AP1G1: variants seen among roughly 807,000 people sequenced by gnomAD.
AP1G1 encodes adaptor related protein complex 1 subunit gamma 1.
In AP1G1, 7 loss-of-function variants were observed where a neutral mutation model predicts 108.3. That is an observed-to-expected ratio of 0.06 (90% CI 0.04 to 0.12). The LOEUF is 0.12. Among genes scored for constraint, AP1G1 ranks in the 10% least tolerant of loss-of-function variants. The probability of loss-of-function intolerance (pLI) is 1.00; values close to 1 mark genes in which losing one functional copy is unlikely to be tolerated. For missense variants in AP1G1, 756 were observed against 1,010.7 expected (o/e 0.75, Z 3.42); for synonymous variants, 379 against 353.5 (o/e 1.07, Z -0.81).
intron 1 of AP1G1, among the ~76,000 whole-genome samples, chr16:71,790,852 T>C (rs2032373017): frequency 6.6e-6 from 1 of 152,044 alleles, no homozygotes; most frequent in South Asian, 2.1e-4. Flanking sequence ...AACCACAAAG[T>C]ATAAAAGAAA....
At chr16:71,785,109 T>C (rs1316874676) in intron 2 of AP1G1, among the ~76,000 whole-genome samples, 1 of 151,890 alleles carries the variant, frequency 6.6e-6, no homozygotes, top group Admixed American at 6.6e-5. Context: ...AAAGCTTCTA[T>C]ATACAGTATG....
intron 1 of AP1G1, among the ~76,000 whole-genome samples, chr16:71,799,075 G>A (rs1449989931): frequency 6.6e-6 from 1 of 151,954 alleles, no homozygotes; most frequent in Non-Finnish European, 1.5e-5. Flanking sequence ...AATAAGGCTA[G>A]CCCCAGTAAC....
At chr16:71,741,845 C>A (rs539685243) in intron 19 of AP1G1, among the ~76,000 whole-genome samples, 34 of 152,230 alleles carry the variant, frequency 2.2e-4, no homozygotes, top group Admixed American at 5.2e-4. Context: ...AAGATACAGG[C>A]AGCATATAGG....
chr16:71,799,335 G>A, intron 1 of AP1G1, among the ~76,000 whole-genome samples: 1 of 152,180 alleles, frequency 6.6e-6, no homozygotes, highest in Non-Finnish European at 1.5e-5. Context: ...AAGGCGGCAT[G>A]TACAAGGATA....
chr16:71,787,452 C>T (rs2032246731), intron 2 of AP1G1, among the ~76,000 whole-genome samples: 1 of 152,020 alleles, frequency 6.6e-6, no homozygotes, highest in African/African-American at 2.4e-5. Flanking sequence ...CACAGAGCCA[C>T]AGCATGGGCC....
Position 71,768,988 on chromosome 16 carries a change from A to AC in AP1G1, c.642+634_642+635insG, listed in dbSNP as rs1555554390. Among the ~76,000 whole-genome samples, 677 of 144,470 alleles carry AC rather than the reference A, an allele frequency of 4.7e-3. 8 individuals are homozygous for AC. The highest frequency in any genetic ancestry group is 0.017 in the African/African-American group (657 of 39,530). 94.8% of individuals were successfully genotyped at this position (144,470 alleles called of 152,430 possible). On this transcript the variant is annotated intron_variant, in intron 6 of 22. Coordinates refer to ENST00000299980, the MANE Select transcript of AP1G1 (RefSeq NM_001128.6). ...TTTAAAAAAAAAATACAAAAAAAAA[A>AC]AAAAAAAAAACAGGCCAGGAGCAGT...
chr16:71,756,275 C>T (rs764540447), intron 11 of AP1G1, 116 bp from the exon 12 acceptor site: 95 of 823,448 alleles, frequency 1.2e-4, no homozygotes, highest in Non-Finnish European at 1.5e-4. Flanking sequence ...CGTCCTTGCA[C>T]GATCTTGTGA....
intron 1 of AP1G1, among the ~76,000 whole-genome samples, chr16:71,801,166 G>C (rs979158076): frequency 2.6e-5 from 4 of 152,110 alleles, no homozygotes; most frequent in Admixed American, 6.6e-5. Context: ...AATTATCTGG[G>C]TGTGGTGGCA....
intron 5 of AP1G1, among the ~76,000 whole-genome samples, chr16:71,770,365 A>T (rs2031522908): frequency 6.6e-6 from 1 of 152,244 alleles, no homozygotes; most frequent in South Asian, 2.1e-4. Flanking sequence ...ACTGACTTCA[A>T]ATAAAAATAA....
At chr16:71,798,271 T>C (rs1398844378) in intron 1 of AP1G1, among the ~76,000 whole-genome samples, 1 of 151,814 alleles carries the variant, frequency 6.6e-6, no homozygotes, top group Non-Finnish European at 1.5e-5. Context: ...ACAGTGAGAC[T>C]GTGTCTCTAC....
intron 6 of AP1G1, among the ~76,000 whole-genome samples, chr16:71,768,964 T>TAAAAAAAA (rs1467316992): frequency 2.8e-5 from 1 of 35,992 alleles, no homozygotes; most frequent in Non-Finnish European, 4.8e-5. Flanking sequence ...ATTCCTGCCT[T>TAAAAAAAA]TAAAAAAAAA....
intron 1 of AP1G1, chr16:71,808,446 C>G (rs2033077356): frequency 5.0e-6 from 6 of 1,195,140 alleles, no homozygotes; most frequent in South Asian, 1.5e-5. Context: ...CCCAGGCTCC[C>G]TGAATGAGCC....
chr16:71,784,103 A>G (rs1383641897), intron 2 of AP1G1, among the ~76,000 whole-genome samples: 1 of 152,224 alleles, frequency 6.6e-6, no homozygotes, highest in Non-Finnish European at 1.5e-5. Flanking sequence ...CATATAAAAA[A>G]TCTCTTAGAA....
chr16:71,773,597 G>C (rs988408038), intron 3 of AP1G1, among the ~76,000 whole-genome samples: 2 of 152,138 alleles, frequency 1.3e-5, no homozygotes, highest in Non-Finnish European at 2.9e-5. Context: ...AGCAGTGGAA[G>C]TTGAAAAACA....
intron 6 of AP1G1, among the ~76,000 whole-genome samples, chr16:71,768,463 T>G (rs941037244): frequency 8.6e-6 from 1 of 115,982 alleles, no homozygotes; most frequent in Non-Finnish European, 1.6e-5. Context: ...ATTGCACCAC[T>G]GCACCTCAGC....
At chr16:71,754,649 A>T (rs1194080858) in intron 12 of AP1G1, among the ~76,000 whole-genome samples, 8 of 152,106 alleles carry the variant, frequency 5.3e-5, no homozygotes, top group Non-Finnish European at 1.2e-4. Flanking sequence ...AAAAATTAAA[A>T]AATTAGTGGC....
chr16:71,758,718 A>C, intron 11 of AP1G1, 90 bp downstream of exon 11: 1 of 730,522 alleles, frequency 1.4e-6, no homozygotes, highest in East Asian at 2.6e-5. Flanking sequence ...CTGAAAACAA[A>C]GTATCACATG....
chr16:71,790,942 T>A (rs368779532), intron 1 of AP1G1, among the ~76,000 whole-genome samples: 6 of 152,076 alleles, frequency 3.9e-5, no homozygotes, highest in Non-Finnish European at 8.8e-5. Context: ...ACACACCAGC[T>A]GGGCACAGTG....
chr16:71,772,494 G>A lies in AP1G1; in HGVS notation c.468+727C>T, dbSNP rs148230768. ...ATGACAATGAGCTTTCTGAACAAGAGTAGCTCACATATTCTTTAAGAAAAA... is the reference window on the plus strand; with the variant it reads ...ATGACAATGAGCTTTCTGAACAAGAATAGCTCACATATTCTTTAAGAAAAA... On this transcript the variant is annotated intron_variant, in intron 4 of 22. Transcript: ENST00000299980. 4.3e-3 allele frequency among the ~76,000 whole-genome samples: 655 copies of A among 152,270 alleles called. 3 individuals are homozygous for A. Among genetic ancestry groups the A allele is most frequent in the Non-Finnish European group, 6.5e-3 (444 of 68,020 alleles).
Sources: allele counts gnomAD v4.1 joint callset (sites outside exome capture counted in the v4.1 genomes callset), GRCh38; gene constraint gnomAD v4.1.1; transcripts MANE v1.5; gene names NCBI Gene and HGNC (gene_info 2026-07-23, HGNC 2026-07-21).